The following IFT140 variants were observed in gnomAD, a reference collection of about 807,000 sequenced individuals.
IFT140 encodes the protein intraflagellar transport protein 140 homolog.
Under a neutral mutation model 164.6 loss-of-function variants are expected in IFT140, and 133 were observed. The ratio of observed to expected loss-of-function variants is 0.81; its 90% confidence interval spans 0.70 to 0.93. IFT140 has a LOEUF of 0.93. Among genes scored for constraint, IFT140 ranks in the 40% least tolerant of loss-of-function variants. The pLI is 0.00. For missense variants in IFT140, 2,045 were observed against 1,972.3 expected (o/e 1.04, Z -0.70); for synonymous variants, 860 against 817.3 (o/e 1.05, Z -0.89).
At chr16:1,557,624 C>T (rs1032978988) in intron 19 of IFT140, 3 of 302,276 alleles carry the variant, frequency 9.9e-6, no homozygotes, top group South Asian at 1.3e-4. Flanking sequence ...GTTTACTTGT[C>T]CAAACTTCTG....
rs201150342 is a variant in IFT140, at chr16:1,524,895, C to T, written c.2886G>A (p.Ala962=). 197 of 1,608,244 alleles carry T rather than the reference C, an allele frequency of 1.2e-4. No individual in the cohort carries two copies. Among genetic ancestry groups the T allele is most frequent in the Admixed American group, 1.2e-3 (69 of 59,966 alleles). The change falls in exon 23 of 31, where the codon GCG becomes GCA. Residue 962 remains alanine (A), a synonymous_variant. Transcript: ENST00000426508. ...MKDKTLWRWW[A]QYLESQGEMD... ...TCTCGCCCTGGCTCTCCAGGTACTGCGCCCACCACCGCCACAGGGTCCTGC... is the reference window on the plus strand; with the variant it reads ...TCTCGCCCTGGCTCTCCAGGTACTGTGCCCACCACCGCCACAGGGTCCTGC...
intron 4 of IFT140, among the ~76,000 whole-genome samples, chr16:1,600,201 A>G (rs1439023335): frequency 1.4e-5 from 2 of 146,362 alleles, no homozygotes; most frequent in South Asian, 2.3e-4. Flanking sequence ...CTCAGGGTTG[A>G]ATGGATTAAG....
chr16:1,580,889 TC>T, intron 12 of IFT140, 39 bp from the exon 13 acceptor site: 3 of 1,377,288 alleles, frequency 2.2e-6, no homozygotes, highest in Non-Finnish European at 2.1e-6. Flanking sequence ...CGGCCGCTCA[TC>T]CGCCAGACTT....
At chr16:1,523,766 C>A in intron 25 of IFT140, 62 bp downstream of exon 25, 2 of 1,605,430 alleles carry the variant, frequency 1.2e-6, no homozygotes, top group Non-Finnish European at 1.7e-6. Context: ...AGGCCTCGCA[C>A]AGGCAAGGGC....
intron 19 of IFT140, among the ~76,000 whole-genome samples, chr16:1,528,491 T>TCACATACACA (rs1209904887): frequency 7.0e-6 from 1 of 143,614 alleles, no homozygotes; most frequent in Non-Finnish European, 1.5e-5. Context: ...GCACATGCAC[T>TCACATACACA]CACATACACA....
chr16:1,602,523 C>T lies in IFT140; in HGVS notation c.216G>A (p.Thr72=), dbSNP rs369304039. The T allele has an allele frequency of 1.2e-5, 19 of 1,614,018 alleles. No individual in the cohort carries two copies. Among genetic ancestry groups the T allele is most frequent in the South Asian group, 5.5e-5 (5 of 91,092 alleles). Residue 72 remains threonine (T), a synonymous_variant, in exon 4 of 31, where the codon ACG becomes ACA. Coordinates refer to ENST00000426508, the MANE Select transcript of IFT140 (RefSeq NM_014714.4). ...FRVASLCWHP[T]RLVLAVGWET... is the part of the protein sequence containing the mutation. ...CCCAGCCCACAGCCAGCACCAGCCG[C>T]GTCGGGTGCCAGCACAGGGAAGCAA...
At position 1,571,413 on chromosome 16, in the gene IFT140, G is replaced by A. The variant is rs751137317; in HGVS notation, c.1646C>T (p.Ser549Phe). The A allele has an allele frequency of 6.9e-5, 111 of 1,609,590 alleles. No homozygotes were observed. The highest frequency in any genetic ancestry group is 1.9e-4 in the Admixed American group (11 of 58,760). The change falls in exon 14 of 31, where the codon TCC (serine) becomes TTC (phenylalanine). Residue 549 changes from serine to phenylalanine, a missense_variant. Transcript: ENST00000426508. ...DLAHFKSFDL[S>F]RREAKAHCSC... is the part of the protein sequence containing the mutation. ...ATTTGGAAAAAAAATTTACCTTCGG[G>A]AAAGATCAAAGCTTTTAAAGTGAGC...
Position 1,513,609 on chromosome 16 carries a change from C to A in IFT140, c.4183-2459G>T, listed in dbSNP as rs56204851. Among the ~76,000 whole-genome samples, 806 of 152,204 alleles carry A rather than the reference C, an allele frequency of 5.3e-3. 3 individuals carry two copies. The highest frequency in any genetic ancestry group is 9.0e-3 in the Non-Finnish European group (615 of 68,014). On this transcript the variant is annotated intron_variant, in intron 30 of 30. Transcript: ENST00000426508. ...CACATGGAAAGGCACTGGGGGCAGCCGTGAGCAGGCTGATGCTGGGAGTGG... is the reference window on the plus strand; with the variant it reads ...CACATGGAAAGGCACTGGGGGCAGCAGTGAGCAGGCTGATGCTGGGAGTGG...
At chr16:1,534,448 G>A in intron 19 of IFT140, 2 of 1,611,652 alleles carry the variant, frequency 1.2e-6, no homozygotes, top group South Asian at 2.2e-5. Flanking sequence ...ACCCGGGGAG[G>A]GCCGAGCCCT....
rs749121321 is a variant in IFT140, at chr16:1,524,730, T to C, written c.2998-35A>G. On this transcript the variant is annotated intron_variant, in intron 23 of 30. Transcript: ENST00000426508. ...CAAAGAACCCAAAGACGAGACACGGTGGCCTTGTGTCTGCCTCGTGTCCGC... is the reference window on the plus strand; with the variant it reads ...CAAAGAACCCAAAGACGAGACACGGCGGCCTTGTGTCTGCCTCGTGTCCGC... The C allele has an allele frequency of 7.6e-6, 12 of 1,581,882 alleles. No homozygotes were observed. In the East Asian group the frequency reaches 2.5e-4, roughly 33 times the overall value.
At chr16:1,608,283 CTCAG>C (rs1212936860) in intron 2 of IFT140, among the ~76,000 whole-genome samples, 1 of 152,116 alleles carries the variant, frequency 6.6e-6, no homozygotes, top group Non-Finnish European at 1.5e-5. Context: ...TTTTTTACAC[CTCAG>C]TCAATTTGGG....
At chr16:1,518,652 C>G (rs534525742) in intron 29 of IFT140, among the ~76,000 whole-genome samples, 1 of 152,010 alleles carries the variant, frequency 6.6e-6, no homozygotes, top group East Asian at 1.9e-4. Context: ...AACCTCTGCA[C>G]AAAGCGTGAC....
chr16:1,573,550 C>A (rs1260019393), intron 13 of IFT140, among the ~76,000 whole-genome samples: 1 of 152,168 alleles, frequency 6.6e-6, no homozygotes, highest in African/African-American at 2.4e-5. Flanking sequence ...TCCTGCCCTG[C>A]CCCCTATGCC....
At chr16:1,603,403 G>A (rs1314275398) in intron 3 of IFT140, among the ~76,000 whole-genome samples, 2 of 152,042 alleles carry the variant, frequency 1.3e-5, no homozygotes, top group Non-Finnish European at 2.9e-5. Flanking sequence ...CTTCTTTCAC[G>A]CGTCTACAGT....
rs148462329 is a variant in IFT140 at position 1,592,477 on chromosome 16, G to C, written c.481C>G (p.Pro161Ala). The change falls in exon 5 of 31, where the codon CCT (proline) becomes GCT (alanine). Residue 161 changes from proline (P) to alanine (A), a missense_variant. Coordinates refer to ENST00000426508, the MANE Select transcript of IFT140 (RefSeq NM_014714.4). ...AAGCCCCACACTTACTCGCCAGGAG[G>C]GGGGAGCCGGAAGATGCAGTGCGTG... is the stretch of plus-strand genomic sequence containing the variant. ...HLTHCIFRLPPPGEDLVQLAK... is the reference protein window; with the variant it reads ...HLTHCIFRLPAPGEDLVQLAK... 196 of 1,614,062 alleles carry C rather than the reference G, an allele frequency of 1.2e-4. No homozygotes were observed. In the Admixed American group the frequency reaches 1.3e-3, roughly 11 times the overall value.
At chr16:1,523,747 C>T (rs370345087) in intron 25 of IFT140, 47 bp from the exon 26 acceptor site, 15 of 1,605,702 alleles carry the variant, frequency 9.3e-6, no homozygotes, top group East Asian at 4.5e-5. Context: ...CCTGGGGGCC[C>T]GAGCACGGAG....
chr16:1,584,967 A>C (rs2034790838), intron 10 of IFT140, among the ~76,000 whole-genome samples: 1 of 152,224 alleles, frequency 6.6e-6, no homozygotes, highest in African/African-American at 2.4e-5. Flanking sequence ...CTTAGCAAAG[A>C]CTTCAAAGCA....
intron 17 of IFT140, 134 bp from the exon 18 acceptor site, chr16:1,562,250 G>A (rs1211289290): frequency 1.5e-6 from 1 of 685,672 alleles, no homozygotes; most frequent in Non-Finnish European, 2.2e-6. Context: ...GGTGGGGTCG[G>A]GTGCTTTGCT....
In IFT140 at chr16:1,587,261, C is replaced by G. The variant is rs1250496970; in HGVS notation, c.946G>C (p.Asp316His). ...CCTTTCTCAAAGCCAAACTTCTCAT[C>G]TGGACTCAGTATATAATTCTCTCCT... is the stretch of plus-strand genomic sequence containing the variant. The part of the protein sequence containing the change: ...ERGENYILSP[D>H]EKFGFEKGEN... Residue 316 changes from aspartate (D) to histidine (H), a missense_variant, in exon 9 of 31, where the codon GAT becomes CAT. By Grantham distance (81) the Asp-to-His change is moderately conservative. Transcript: ENST00000426508. 1.2e-6 allele frequency: 2 copies of G among 1,613,034 alleles called. No individual in the cohort carries two copies. Among genetic ancestry groups the G allele is most frequent in the Non-Finnish European group, 1.7e-6 (2 of 1,179,132 alleles).
Sources: allele counts gnomAD v4.1 joint callset (sites outside exome capture counted in the v4.1 genomes callset), GRCh38; gene constraint gnomAD v4.1.1; transcripts MANE v1.5; gene names NCBI Gene and HGNC (gene_info 2026-07-23, HGNC 2026-07-21).